The following ZNF318 variants were observed in gnomAD, a reference collection of about 807,000 sequenced individuals.
ZNF318 encodes the protein endocrine regulator.
A neutral mutation model predicts 124.2 loss-of-function variants in ZNF318; 51 were observed. That is an observed-to-expected ratio of 0.41 (90% CI 0.33 to 0.52). The LOEUF is 0.52. Among genes scored for constraint, ZNF318 ranks in the 20% least tolerant of loss-of-function variants. ZNF318 has a pLI of 0.23. For synonymous variants in ZNF318, 1,090 were observed against 1,040.7 expected, an observed-to-expected ratio of 1.05 and a Z score of -0.91; for missense variants, 2,815 against 2,811.2, an observed-to-expected ratio of 1.00 and a Z score of -0.03.
chr6:43,348,341 T>C lies in ZNF318; in HGVS notation c.3055A>G (p.Asn1019Asp), dbSNP rs930677375. 1 of 1,608,860 alleles carries C rather than the reference T, an allele frequency of 6.2e-7. No individual in the cohort carries two copies. The highest frequency in any genetic ancestry group is 8.5e-7 in the Non-Finnish European group (1 of 1,178,076). ...GTTGTTACCTTGTTGGAGGAGGAGT[T>C]TGAGAACGATGACACTTTTTCTGGG... Reference protein sequence around the residue: ...KSPEKVSSFSNSSSNKESKVN... With the variant: ...KSPEKVSSFSDSSSNKESKVN... Residue 1019 changes from asparagine (N) to aspartate (D), a missense_variant, in exon 6 of 10, where the codon AAC becomes GAC. By Grantham distance (23) the Asn-to-Asp change is conservative (BLOSUM62 1). This residue lies in a region of ZNF318 where 1,377 missense variants were observed against 1,353.5 expected (regional missense o/e 1.02). Transcript: ENST00000361428.
Position 43,369,293 on chromosome 6 carries a change from T to C in ZNF318, c.73A>G (p.Ser25Gly). 1 of 1,338,568 alleles carries C rather than the reference T, an allele frequency of 7.5e-7. No individual in the cohort carries two copies. The highest frequency in any genetic ancestry group is 1.6e-5 in the South Asian group (1 of 62,204). The allele number at this position is 1,338,568 out of a possible 1,614,324, so 82.9% of individuals were successfully genotyped here. A position where few individuals can be genotyped will look rare whatever the true frequency, so the allele number is the denominator to read the frequency against. ...GAGGAGGAGCCAGAGCTGCGGCCGCTGCGCGGGCCGCCCCCGCCGTCGTCT... is the reference window on the plus strand; with the variant it reads ...GAGGAGGAGCCAGAGCTGCGGCCGCCGCGCGGGCCGCCCCCGCCGTCGTCT... ...PKDDGGGGPR[S>G]GRSSGSSSGP... The change falls in exon 1 of 10, where the codon AGC becomes GGC. Residue 25 changes from serine (S) to glycine (G), a missense_variant. Physicochemically the swap from Ser to Gly is moderately conservative, Grantham distance 56. Coordinates refer to ENST00000361428, the MANE Select transcript of ZNF318 (RefSeq NM_014345.3).
chr6:43,352,558 A>T, intron 4 of ZNF318, 82 bp from the exon 5 acceptor site: 1 of 1,266,024 alleles, frequency 7.9e-7, no homozygotes, highest in Non-Finnish European at 1.1e-6. Flanking sequence ...CCTTCTTCCT[A>T]GACATTATCT....
intron 5 of ZNF318, among the ~76,000 whole-genome samples, chr6:43,351,649 T>C (rs1216712837): frequency 6.6e-6 from 1 of 151,588 alleles, no homozygotes; most frequent in African/African-American, 2.4e-5. Flanking sequence ...TAATCCCAGC[T>C]ACTTGGGAGG....
intron 5 of ZNF318, among the ~76,000 whole-genome samples, chr6:43,348,966 G>A (rs879672059): frequency 6.6e-6 from 1 of 152,174 alleles, no homozygotes; most frequent in Non-Finnish European, 1.5e-5. Context: ...CTCAGGGGGC[G>A]GAGCTTGCAG....
rs1391194701 is a variant in ZNF318, at chr6:43,338,619, A to C, written c.5379T>G (p.Val1793=). ...ERVKELSEGI[V]DEGVSTSIGP... ...CAATGCTGGTACTTACTCCCTCATCAACTATCCCCTCAGACAGCTCCTTTA... is the reference window on the plus strand; with the variant it reads ...CAATGCTGGTACTTACTCCCTCATCCACTATCCCCTCAGACAGCTCCTTTA... Residue 1793 remains valine, a synonymous_variant, in exon 10 of 10, where the codon GTT becomes GTG. Transcript: ENST00000361428. The C allele has an allele frequency of 6.2e-7, 1 of 1,614,118 alleles. No homozygotes were observed. Among genetic ancestry groups the C allele is most frequent in the Admixed American group, 1.7e-5 (1 of 60,012 alleles).
Position 43,348,759 on chromosome 6 carries a change from C to T in ZNF318, c.2771-134G>A, listed in dbSNP as rs73440338. ...ACAAACGTTTCTAAGAGTGGCTAGGCGTGGTGGCTCATGCCTGTAATTCCA... is the reference window on the plus strand; with the variant it reads ...ACAAACGTTTCTAAGAGTGGCTAGGTGTGGTGGCTCATGCCTGTAATTCCA... On this transcript the variant is annotated intron_variant, in intron 5 of 9. Coordinates refer to ENST00000361428, the MANE Select transcript of ZNF318 (RefSeq NM_014345.3). The T allele has an allele frequency of 3.7e-4, 391 of 1,054,902 alleles. 2 individuals are homozygous for T. In the African/African-American group the frequency reaches 5.3e-3, roughly 14 times the overall value. 65.3% of individuals were successfully genotyped at this position (1,054,902 alleles called of 1,614,324 possible). A position where few individuals can be genotyped will look rare whatever the true frequency, so the allele number is the denominator to read the frequency against.
rs935157027 is a variant in ZNF318 at position 43,336,445 on chromosome 6, C to A, written c.*713G>T. The A allele has an allele frequency of 6.6e-6, 1 of 152,208 alleles. No individual in the cohort carries two copies. The highest frequency in any genetic ancestry group is 2.4e-5 in the African/African-American group (1 of 41,434). The allele number at this position is 152,208 out of a possible 1,614,324, so 9.4% of individuals were successfully genotyped here. On this transcript the variant is annotated 3_prime_UTR_variant, in exon 10 of 10. Transcript: ENST00000361428. ...CCATGAATAAGCCTTACCGATTTGT[C>A]GTCTTCTAAAAGTAAGCCTGCCAGA...
Position 43,340,463 on chromosome 6 carries a change from T to A in ZNF318, c.3535A>T (p.Asn1179Tyr). The A allele has an allele frequency of 6.2e-7, 1 of 1,611,124 alleles. No homozygotes were observed. Among genetic ancestry groups the A allele is most frequent in the South Asian group, 1.1e-5 (1 of 90,270 alleles). ...GCCAAGCCAGCTTGGCGGTCCAGAT[T>A]CCGCCGCTCCTCATATAATGGGTTT... ...DENPLYEERR[N>Y]LDRQAGLAVV... is the part of the protein sequence containing the mutation. The change falls in exon 10 of 10, where the codon AAT (asparagine) becomes TAT (tyrosine). Residue 1179 changes from asparagine (N) to tyrosine (Y), a missense_variant. By Grantham distance (143) the Asn-to-Tyr change is moderately radical. This residue lies in a region of ZNF318 where 500 missense variants were observed against 605.2 expected (regional missense o/e 0.83). Transcript: ENST00000361428.
chr6:43,336,349 A>G lies in ZNF318; in HGVS notation c.*809T>C, dbSNP rs1420994767. ...ATTTAATACAAAGTGTTATTGGATC[A>G]CAATACAATGAACAAAGGCCATTTC... On this transcript the variant is annotated 3_prime_UTR_variant, in exon 10 of 10. Coordinates refer to ENST00000361428, the MANE Select transcript of ZNF318 (RefSeq NM_014345.3). 6.6e-6 allele frequency: 1 copy of G among 152,648 alleles called. No individual in the cohort carries two copies. Among genetic ancestry groups the G allele is most frequent in the Non-Finnish European group, 1.5e-5 (1 of 68,042 alleles). The allele number at this position is 152,648 out of a possible 1,614,324, so 9.5% of individuals were successfully genotyped here.
In ZNF318 at chr6:43,338,347, G is replaced by C. The variant is rs761465954; in HGVS notation, c.5651C>G (p.Pro1884Arg). 7 of 1,614,046 alleles carry C rather than the reference G, an allele frequency of 4.3e-6. No individual in the cohort carries two copies. The highest frequency in any genetic ancestry group is 5.9e-6 in the Non-Finnish European group (7 of 1,180,030). Residue 1884 changes from proline (P) to arginine (R), a missense_variant, in exon 10 of 10, where the codon CCT becomes CGT. Transcript: ENST00000361428. The part of the protein sequence containing the change: ...ARSLLNPQDT[P>R]VKISAPELLL... Reference sequence around the variant, plus strand: ...CAACTCTGGGGCAGAAATTTTCACAGGTGTATCTTGTGGGTTGAGTAAAGA... The same window carrying C: ...CAACTCTGGGGCAGAAATTTTCACACGTGTATCTTGTGGGTTGAGTAAAGA...
At chr6:43,361,525 A>G (rs1004974749) in intron 2 of ZNF318, among the ~76,000 whole-genome samples, 5 of 152,248 alleles carry the variant, frequency 3.3e-5, no homozygotes, top group Non-Finnish European at 7.3e-5. Context: ...TGATCACGCC[A>G]CTGCACTCCA....
Position 43,355,037 on chromosome 6 carries a change from G to A in ZNF318, c.2297C>T (p.Ala766Val). ...AALSQFHMPR[A>V]SQFAAARIPP... ...TATCCGAGCTGCAGCAAACTGAGAG[G>A]CCCTTGGCATGTGAAACTGAGATAA... The change falls in exon 4 of 10, where the codon GCC becomes GTC. Residue 766 changes from alanine (A) to valine (V), a missense_variant. This residue lies in a region of ZNF318 where 1,377 missense variants were observed against 1,353.5 expected (regional missense o/e 1.02). Coordinates refer to ENST00000361428, the MANE Select transcript of ZNF318 (RefSeq NM_014345.3). 1 of 1,613,822 alleles carries A rather than the reference G, an allele frequency of 6.2e-7. No homozygotes were observed. The highest frequency in any genetic ancestry group is 8.5e-7 in the Non-Finnish European group (1 of 1,179,812).
chr6:43,342,076 T>C, intron 8 of ZNF318, 36 bp downstream of exon 8: 1 of 1,587,678 alleles, frequency 6.3e-7, no homozygotes, highest in South Asian at 1.1e-5. Flanking sequence ...CAACTGAATG[T>C]AAGGAAACCA....
intron 2 of ZNF318, chr6:43,363,978 C>T (rs998728986): frequency 1.6e-5 from 11 of 687,720 alleles, no homozygotes; most frequent in South Asian, 7.8e-5. Flanking sequence ...CAGGCTACTG[C>T]GGCTCTGTGC....
chr6:43,338,880 A>C lies in ZNF318; in HGVS notation c.5118T>G (p.Ser1706Arg), dbSNP rs770176673. 1 of 1,614,002 alleles carries C rather than the reference A, an allele frequency of 6.2e-7. No homozygotes were observed. Among genetic ancestry groups the C allele is most frequent in the Non-Finnish European group, 8.5e-7 (1 of 1,179,994 alleles). ...CTGGAGATATATCCCTACTAGTGTC[A>C]CTCTGGAAGGAACTAGAGGTCCATA... ...LAIWTSSSFQSDTSRDISPEK... is the reference protein window; with the variant it reads ...LAIWTSSSFQRDTSRDISPEK... The change falls in exon 10 of 10, where the codon AGT becomes AGG. Residue 1706 changes from serine (S) to arginine (R), a missense_variant. Ser to Arg is a moderately radical substitution (Grantham distance 110). This residue lies in a region of ZNF318 where 927 missense variants were observed against 820.6 expected (regional missense o/e 1.13). Transcript: ENST00000361428.
chr6:43,343,671 A>C (rs977135284), intron 6 of ZNF318, among the ~76,000 whole-genome samples: 2 of 151,978 alleles, frequency 1.3e-5, no homozygotes, highest in Non-Finnish European at 2.9e-5. Context: ...TCTACTAAAA[A>C]TACAAAAATT....
Position 43,337,644 on chromosome 6 carries a change from C to A in ZNF318, c.6354G>T (p.Gly2118=). Residue 2118 remains glycine (G), a synonymous_variant, in exon 10 of 10, where the codon GGG becomes GGT. Transcript: ENST00000361428. ...GLTENVDRGL[G]GLEGTHQALD... is the part of the protein sequence containing the mutation. ...GGGCCTGGTGTGTTCCCTCTAGGCC[C>A]CCCAAGCCACGGTCAACATTTTCTG... 1.2e-6 allele frequency: 2 copies of A among 1,614,120 alleles called. No homozygotes were observed. The highest frequency in any genetic ancestry group is 1.7e-6 in the Non-Finnish European group (2 of 1,180,016).
intron 3 of ZNF318, 116 bp from the exon 4 acceptor site, chr6:43,356,261 G>C (rs1169039273): frequency 5.5e-6 from 6 of 1,093,936 alleles, no homozygotes; most frequent in East Asian, 2.5e-5. Context: ...TACAAGTATG[G>C]ATAAAAGGGA....
At chr6:43,343,503 C>A (rs1475741295) in intron 6 of ZNF318, among the ~76,000 whole-genome samples, 2 of 152,036 alleles carry the variant, frequency 1.3e-5, no homozygotes, top group African/African-American at 4.8e-5. Context: ...GAAAAACATT[C>A]CTAACTGCCT....
Sources: allele counts gnomAD v4.1 joint callset (sites outside exome capture counted in the v4.1 genomes callset), GRCh38; gene constraint gnomAD v4.1.1; regional missense constraint gnomAD v4.1.1; transcripts MANE v1.5; gene names NCBI Gene and HGNC (gene_info 2026-07-23, HGNC 2026-07-21).